Variants in GYS2 observed in about 807,000 individuals in gnomAD.
The protein encoded by GYS2 is glycogen [starch] synthase, liver.
GYS2 carries 80 observed loss-of-function variants against 85.6 expected under a neutral mutation model. That is an observed-to-expected ratio of 0.93 (90% CI 0.78 to 1.13). The LOEUF is 1.13. Ranked by LOEUF, GYS2 falls within the 50% of genes most tolerant of loss-of-function variation. GYS2 has a pLI of 0.00. For synonymous variants in GYS2, 328 were observed against 300.7 expected (o/e 1.09, Z -0.94); for missense variants, 881 against 854.9 (o/e 1.03, Z -0.38).
At chr12:21,566,402 A>G (rs1250682630) in intron 5 of GYS2, among the ~76,000 whole-genome samples, 1 of 151,430 alleles carries the variant, frequency 6.6e-6, no homozygotes, top group Admixed American at 6.6e-5. Flanking sequence ...TTAATGATCT[A>G]CTAAAAGTCC....
At chr12:21,541,035 G>C (rs1163399195) in intron 13 of GYS2, among the ~76,000 whole-genome samples, 1 of 152,020 alleles carries the variant, frequency 6.6e-6, no homozygotes, top group Non-Finnish European at 1.5e-5. Flanking sequence ...CAGTTTGGGA[G>C]GCAGAGGTGG....
chr12:21,604,621 G>T lies in GYS2; in HGVS notation c.-29C>A. The stretch of plus-strand genomic sequence containing the variant: ...TCTTACAGTCCTCCGAGACTCCTTT[G>T]AATTCCTGTTTCAATTAGTTGTAAT... On this transcript the variant is annotated 5_prime_UTR_variant, in exon 1 of 16. Coordinates refer to ENST00000261195, the MANE Select transcript of GYS2 (RefSeq NM_021957.4). 6.2e-7 allele frequency: 1 copy of T among 1,611,434 alleles called. No homozygotes were observed. Among genetic ancestry groups the T allele is most frequent in the South Asian group, 1.1e-5 (1 of 90,984 alleles).
intron 4 of GYS2, among the ~76,000 whole-genome samples, chr12:21,569,962 T>A (rs1326896831): frequency 6.6e-6 from 1 of 152,176 alleles, no homozygotes; most frequent in Non-Finnish European, 1.5e-5. Flanking sequence ...GAACCCTAAT[T>A]TGATCCTTAA....
intron 1 of GYS2, among the ~76,000 whole-genome samples, chr12:21,602,041 T>G (rs1213526466): frequency 1.3e-5 from 2 of 152,154 alleles, no homozygotes; most frequent in African/African-American, 4.8e-5. Context: ...AGAAACCTTT[T>G]GTTTTCTTGG....
chr12:21,599,707 G>A (rs1015690313), intron 1 of GYS2, among the ~76,000 whole-genome samples: 4 of 152,120 alleles, frequency 2.6e-5, no homozygotes, highest in Admixed American at 2.0e-4. Flanking sequence ...TATGCATCCC[G>A]TGATTGAAGT....
At chr12:21,535,866 G>A (rs780406825), downstream of GYS2, among the ~76,000 whole-genome samples, 1 of 151,568 alleles carries the variant, frequency 6.6e-6, no homozygotes, top group Admixed American at 6.6e-5. Context: ...TTTTTGTTTT[G>A]TTGCCAATTT....
chr12:21,598,478 T>C lies in GYS2; in HGVS notation c.121+5994A>G, dbSNP rs867852004. 9.9e-5 allele frequency among the ~76,000 whole-genome samples: 15 copies of C among 152,166 alleles called. No homozygotes were observed. In the South Asian group the frequency reaches 3.1e-3, roughly 32 times the overall value. ...TATATTCCAACACCATTTTAGCCCT[T>C]TTTTGTCCTCCCCATATTTTTACCT... On this transcript the variant is annotated intron_variant, in intron 1 of 15. Transcript: ENST00000261195.
Position 21,574,406 on chromosome 12 carries a change from T to C in GYS2, c.496-80A>G, listed in dbSNP as rs186865714. On this transcript the variant is annotated intron_variant, in intron 3 of 15. Coordinates refer to ENST00000261195, the MANE Select transcript of GYS2 (RefSeq NM_021957.4). ...CTCATGGTCCACATCATAAGTGGAG[T>C]TATGGTGTCTATAAATTATTTTGCA... 33 of 1,042,826 alleles carry C rather than the reference T, an allele frequency of 3.2e-5. 1 individual carries two copies. In the Middle Eastern group the frequency reaches 6.1e-4, roughly 19 times the overall value. 64.6% of individuals were successfully genotyped at this position (1,042,826 alleles called of 1,614,324 possible).
intron 3 of GYS2, among the ~76,000 whole-genome samples, chr12:21,575,601 A>G (rs1022168681): frequency 2.0e-5 from 3 of 152,196 alleles, no homozygotes; most frequent in African/African-American, 4.8e-5. Flanking sequence ...TATCATCTAT[A>G]TATGGGGCAA....
At chr12:21,603,896 C>T (rs529098800) in intron 1 of GYS2, among the ~76,000 whole-genome samples, 27 of 152,158 alleles carry the variant, frequency 1.8e-4, no homozygotes, top group Non-Finnish European at 3.5e-4. Context: ...ATTTGATTTT[C>T]TTTATTTTAT....
At chr12:21,548,398 C>G (rs1438738804) in intron 11 of GYS2, among the ~76,000 whole-genome samples, 1 of 152,020 alleles carries the variant, frequency 6.6e-6, no homozygotes, top group African/African-American at 2.4e-5. Context: ...AGTAGCACAT[C>G]ATTATAAAGC....
intron 14 of GYS2, 97 bp downstream of exon 14, chr12:21,540,313 T>C: frequency 9.5e-7 from 1 of 1,052,108 alleles, no homozygotes; most frequent in Non-Finnish European, 1.5e-6. Flanking sequence ...ACAATTATAA[T>C]ATTGGATTAA....
intron 11 of GYS2, among the ~76,000 whole-genome samples, chr12:21,551,424 G>T (rs1450945338): frequency 1.3e-5 from 2 of 151,282 alleles, no homozygotes; most frequent in South Asian, 4.2e-4. Context: ...TTGTGCAATT[G>T]GTAAAGAAGA....
intron 1 of GYS2, among the ~76,000 whole-genome samples, chr12:21,596,736 G>C (rs1418498971): frequency 6.6e-6 from 1 of 152,122 alleles, no homozygotes; most frequent in Non-Finnish European, 1.5e-5. Context: ...CATAGTACTG[G>C]AAGTCCTAGC....
At chr12:21,572,080 A>T (rs1048686754) in intron 4 of GYS2, among the ~76,000 whole-genome samples, 2 of 152,188 alleles carry the variant, frequency 1.3e-5, no homozygotes, top group South Asian at 4.1e-4. Context: ...TAGAGTCGAG[A>T]GGATAATTGA....
chr12:21,600,638 A>G (rs750000654), intron 1 of GYS2, among the ~76,000 whole-genome samples: 5 of 152,170 alleles, frequency 3.3e-5, no homozygotes, highest in Non-Finnish European at 7.4e-5. Flanking sequence ...TACGGCAATT[A>G]CAGGGGCCTT....
At chr12:21,581,606 A>G (rs2136914808) in intron 1 of GYS2, among the ~76,000 whole-genome samples, 1 of 152,270 alleles carries the variant, frequency 6.6e-6, no homozygotes, top group Middle Eastern at 3.4e-3. Context: ...CTACACTAGA[A>G]TCGTTCCTTA....
In GYS2 at chr12:21,539,355, A is replaced by G; in HGVS notation, c.1810-17T>C. On this transcript the variant is annotated splice_polypyrimidine_tract_variant and intron_variant, in intron 14 of 15. Transcript: ENST00000261195. ...CTGGTAATACTATTGATAGAAAGCC[A>G]AATCACAGGTTAATAAAAACCCTTA... 6.9e-7 allele frequency: 1 copy of G among 1,442,028 alleles called. No homozygotes were observed. Among genetic ancestry groups the G allele is most frequent in the Non-Finnish European group, 9.8e-7 (1 of 1,023,374 alleles). The allele number at this position is 1,442,028 out of a possible 1,614,324, so 89.3% of individuals were successfully genotyped here.
chr12:21,599,466 C>T (rs928036881), intron 1 of GYS2, among the ~76,000 whole-genome samples: 1 of 152,156 alleles, frequency 6.6e-6, no homozygotes, highest in Non-Finnish European at 1.5e-5. Context: ...ACAAGACCAC[C>T]TGCACTACCT....
Sources: gnomAD v4.1 joint callset for allele counts (sites outside exome capture counted in the v4.1 genomes callset) on GRCh38, gnomAD v4.1.1 for gene constraint, MANE v1.5 for transcripts, NCBI Gene and HGNC (gene_info 2026-07-23, HGNC 2026-07-21) for gene names.